CNGB3: variants seen among roughly 807,000 people sequenced by gnomAD.
The protein encoded by CNGB3 is cyclic nucleotide gated channel subunit beta 3.
Under a neutral mutation model 92.8 loss-of-function variants are expected in CNGB3, and 86 were observed. That is an observed-to-expected ratio of 0.93 (90% CI 0.78 to 1.11). The LOEUF (loss-of-function observed/expected upper bound fraction) is 1.11. Ranked by LOEUF, CNGB3 falls within the 50% of genes least tolerant of loss-of-function variation. CNGB3 has a pLI of 0.00. For synonymous variants in CNGB3, 333 were observed against 332.7 expected (o/e 1.00, Z -0.01); for missense variants, 1,026 against 956.8 (o/e 1.07, Z -0.95).
intron 13 of CNGB3, among the ~76,000 whole-genome samples, chr8:86,624,834 C>G (rs1822813904): frequency 6.6e-6 from 1 of 152,170 alleles, no homozygotes; most frequent in Admixed American, 6.5e-5. Flanking sequence ...GGACGTGGAG[C>G]CTGGTGGGAG....
chr8:86,694,048 CG>C (rs1824377910), intron 3 of CNGB3, among the ~76,000 whole-genome samples: 2 of 136,496 alleles, frequency 1.5e-5, no homozygotes, highest in African/African-American at 5.6e-5. Flanking sequence ...CCTCACCTCC[CG>C]GACGGGGCGG....
At chr8:86,632,697 T>TGTTA in intron 11 of CNGB3, 55 bp downstream of exon 11, 1 of 1,560,776 alleles carries the variant, frequency 6.4e-7, no homozygotes, top group Non-Finnish European at 8.8e-7. Context: ...TACAAAGACC[T>TGTTA]GTTAGTCTTT....
At position 86,632,742 on chromosome 8, in the gene CNGB3, C is replaced by G; in HGVS notation, c.1320+10G>C. 2 of 1,612,872 alleles carry G rather than the reference C, an allele frequency of 1.2e-6. No homozygotes were observed. The highest frequency in any genetic ancestry group is 1.7e-6 in the Non-Finnish European group (2 of 1,179,576). On this transcript the variant is annotated intron_variant, in intron 11 of 17. Transcript: ENST00000320005. ...AGCACTGTGTATCCAGTGATTCATA[C>G]TCAGCTTACCTGACCAATTAAACTG...
At chr8:86,593,651 G>A (rs1822103727) in intron 15 of CNGB3, 4 of 523,238 alleles carry the variant, frequency 7.6e-6, no homozygotes, top group Non-Finnish European at 1.4e-5. Flanking sequence ...CCACTGAGGT[G>A]GACCCTAATG....
Position 86,649,737 on chromosome 8 carries a change from A to T in CNGB3, c.904-1850T>A, listed in dbSNP as rs146384079. On this transcript the variant is annotated intron_variant, in intron 7 of 17. Coordinates refer to ENST00000320005, the MANE Select transcript of CNGB3 (RefSeq NM_019098.5). ...GAAAAACTCTTCTGGACATTGGCCT[A>T]GGCAAAGAATTTATGACTAAAGCCC... Among the ~76,000 whole-genome samples the T allele has an allele frequency of 1.1e-4, 17 of 151,812 alleles. No individual in the cohort carries two copies. The East Asian group carries it at 3.3e-3, about 29-fold the overall frequency.
chr8:86,603,283 T>C (rs1178728999), intron 15 of CNGB3, among the ~76,000 whole-genome samples: 1 of 152,220 alleles, frequency 6.6e-6, no homozygotes, highest in African/African-American at 2.4e-5. Context: ...CTAATATTTT[T>C]ATATAGTTTA....
Position 86,626,069 on chromosome 8 carries a change from A to C in CNGB3, c.1492T>G (p.Leu498Val). Residue 498 changes from leucine to valine, a missense_variant, in exon 13 of 18, where the codon TTG (leucine) becomes GTG (valine). By Grantham distance (32) the Leu-to-Val change is conservative (BLOSUM62 1). Transcript: ENST00000320005. The part of the protein sequence containing the change: ...DSQRMLDESD[L>V]LKTLPTTVQL... ...ACCGTAGTTGGTAGGGTCTTAAGCAAATCAGACTCATCTTTATAAAGATAA... is the reference window on the plus strand; with the variant it reads ...ACCGTAGTTGGTAGGGTCTTAAGCACATCAGACTCATCTTTATAAAGATAA... The C allele has an allele frequency of 6.2e-7, 1 of 1,611,846 alleles. No individual in the cohort carries two copies. Among genetic ancestry groups the C allele is most frequent in the Non-Finnish European group, 8.5e-7 (1 of 1,178,110 alleles).
intron 15 of CNGB3, chr8:86,594,728 G>C (rs1237513303): frequency 9.5e-6 from 1 of 105,774 alleles, no homozygotes; most frequent in Non-Finnish European, 1.7e-5. Context: ...TGTTTGTTTT[G>C]AGAAGGAGTC....
At chr8:86,596,300 A>T (rs538122933) in intron 15 of CNGB3, among the ~76,000 whole-genome samples, 2 of 152,170 alleles carry the variant, frequency 1.3e-5, no homozygotes, top group African/African-American at 4.8e-5. Context: ...AATTGGTTCA[A>T]TTTTTTTCTG....
At position 86,581,768 on chromosome 8, in the gene CNGB3, G is replaced by A. The variant is rs151049492; in HGVS notation, c.1782-2516C>T. Among the ~76,000 whole-genome samples the A allele has an allele frequency of 5.3e-3, 803 of 151,958 alleles. 7 individuals are homozygous for A. The highest frequency in any genetic ancestry group is 0.019 in the African/African-American group (768 of 41,440). On this transcript the variant is annotated intron_variant, in intron 15 of 17. Coordinates refer to ENST00000320005, the MANE Select transcript of CNGB3 (RefSeq NM_019098.5). Reference sequence around the variant, plus strand: ...ACCAAGTCTCCTATATAATACTAACGAATTACAGCTGAAACAGCAGCAAGA... The same window carrying A: ...ACCAAGTCTCCTATATAATACTAACAAATTACAGCTGAAACAGCAGCAAGA...
rs181545058 is a variant in CNGB3 at position 86,649,235 on chromosome 8, C to T, written c.904-1348G>A. On this transcript the variant is annotated intron_variant, in intron 7 of 17. Coordinates refer to ENST00000320005, the MANE Select transcript of CNGB3 (RefSeq NM_019098.5). ...GGAAGGATCAATATTGTAAAAATGA[C>T]GATACTGCCAAAAGCAATCTACAGA... Among the ~76,000 whole-genome samples, 13 of 151,624 alleles carry T rather than the reference C, an allele frequency of 8.6e-5. No homozygotes were observed. The East Asian group carries it at 2.1e-3, about 25-fold the overall frequency.
chr8:86,729,915 T>C (rs1324688684), intron 2 of CNGB3, among the ~76,000 whole-genome samples: 4 of 152,258 alleles, frequency 2.6e-5, no homozygotes, highest in African/African-American at 9.6e-5. Context: ...TAAGTCTTTC[T>C]GCCAATGGTG....
intron 10 of CNGB3, among the ~76,000 whole-genome samples, chr8:86,636,363 G>A (rs1279956498): frequency 2.0e-5 from 3 of 151,766 alleles, no homozygotes; most frequent in South Asian, 2.1e-4. Flanking sequence ...CTTGAGGTTG[G>A]GAGTTTGAGA....
intron 17 of CNGB3, among the ~76,000 whole-genome samples, chr8:86,577,125 A>AG (rs1821676486): frequency 1.5e-5 from 2 of 131,528 alleles, no homozygotes; most frequent in African/African-American, 6.0e-5. Flanking sequence ...ATATGAAACC[A>AG]AAAAAAAAGA....
intron 3 of CNGB3, among the ~76,000 whole-genome samples, chr8:86,679,676 C>G (rs1338896720): frequency 6.6e-6 from 1 of 152,136 alleles, no homozygotes; most frequent in Non-Finnish European, 1.5e-5. Context: ...CAGTTGCCCA[C>G]CACCATGCCT....
chr8:86,620,235 G>A (rs560825888), intron 13 of CNGB3, among the ~76,000 whole-genome samples: 14 of 152,306 alleles, frequency 9.2e-5, no homozygotes, highest in African/African-American at 3.4e-4. Flanking sequence ...CATTGGAAGT[G>A]TATTAGTTTG....
chr8:86,701,520 A>G (rs754569276), intron 3 of CNGB3, among the ~76,000 whole-genome samples: 5 of 152,186 alleles, frequency 3.3e-5, no homozygotes, highest in African/African-American at 9.6e-5. Flanking sequence ...ATCTAGATAA[A>G]TAATTACTCA....
intron 15 of CNGB3, among the ~76,000 whole-genome samples, chr8:86,591,789 TTTTG>T (rs1822044401): frequency 6.6e-6 from 1 of 152,082 alleles, no homozygotes; most frequent in South Asian, 2.1e-4. Flanking sequence ...ACTGCTGTCT[TTTTG>T]TTTGTCTGTG....
intron 10 of CNGB3, among the ~76,000 whole-genome samples, chr8:86,639,889 G>A (rs547800813): frequency 6.6e-6 from 1 of 152,150 alleles, no homozygotes; most frequent in East Asian, 1.9e-4. Flanking sequence ...GAGCAGAGCT[G>A]ATGGGGTAAT....
Sources: allele counts gnomAD v4.1 joint callset (sites outside exome capture counted in the v4.1 genomes callset), GRCh38; gene constraint gnomAD v4.1.1; transcripts MANE v1.5; gene names NCBI Gene and HGNC (gene_info 2026-07-23, HGNC 2026-07-21).